Variants in C8orf34 observed in about 807,000 individuals in gnomAD.
C8orf34 encodes chromosome 8 open reading frame 34.
Under a neutral mutation model 68.3 loss-of-function variants are expected in C8orf34, and 65 were observed. That is an observed-to-expected ratio of 0.95 (90% CI 0.78 to 1.17). The LOEUF is 1.17. C8orf34 is among the 50% of genes most tolerant of loss of function. The pLI is 0.00. For missense variants in C8orf34, 664 were observed against 655.4 expected, an observed-to-expected ratio of 1.01 and a Z score of -0.14; for synonymous variants, 244 against 241.2, an observed-to-expected ratio of 1.01 and a Z score of -0.11.
At chr8:68,748,181 A>G (rs879587331) in intron 10 of C8orf34, among the ~76,000 whole-genome samples, 171 of 129,308 alleles carry the variant, frequency 1.3e-3, no homozygotes, top group Non-Finnish European at 2.3e-3. Flanking sequence ...CTGGCTAGCC[A>G]TATGTAGAAA....
Position 68,789,905 on chromosome 8 carries a change from A to T in C8orf34, c.1549+2369A>T, listed in dbSNP as rs1023801265. Among the ~76,000 whole-genome samples, 19 of 152,220 alleles carry T rather than the reference A, an allele frequency of 1.2e-4. 1 individual carries two copies. Among genetic ancestry groups the T allele is most frequent in the Admixed American group, 1.1e-3 (17 of 15,270 alleles). On this transcript the variant is annotated intron_variant, in intron 12 of 13. Coordinates refer to ENST00000518698, the MANE Select transcript of C8orf34 (RefSeq NM_052958.4). ...TCCATCAATCACTCTAAGAAAGTCC[A>T]TTCCTGAACTCTTGTAACCATAGAA...
At chr8:68,550,872 C>T (rs1007789041) in intron 7 of C8orf34, among the ~76,000 whole-genome samples, 1 of 151,470 alleles carries the variant, frequency 6.6e-6, no homozygotes, top group Non-Finnish European at 1.5e-5. Context: ...TATGTTTCCT[C>T]CCTAATGGTA....
intron 5 of C8orf34, among the ~76,000 whole-genome samples, chr8:68,502,130 A>G (rs916049609): frequency 3.3e-5 from 5 of 152,056 alleles, no homozygotes; most frequent in African/African-American, 1.2e-4. Context: ...CAGTGGCGTG[A>G]TCTCAGCTCA....
At chr8:68,665,703 T>A (rs1819816766) in intron 8 of C8orf34, among the ~76,000 whole-genome samples, 2 of 152,310 alleles carry the variant, frequency 1.3e-5, no homozygotes, top group South Asian at 2.1e-4. Context: ...CACACAGACC[T>A]ATTTATTCAG....
rs1223210765 is a variant in C8orf34, at chr8:68,618,507, G to A, written c.1106-21869G>A. Among the ~76,000 whole-genome samples the A allele has an allele frequency of 5.9e-5, 9 of 151,996 alleles. 1 individual carries two copies. Among genetic ancestry groups the A allele is most frequent in the Non-Finnish European group, 1.0e-4 (7 of 67,976 alleles). ...TGGAACCACAGATGCACAACACAAC[G>A]CTCTACTAATTTTTAAATTTTCTGT... On this transcript the variant is annotated intron_variant, in intron 7 of 13. Transcript: ENST00000518698.
chr8:68,588,589 A>G (rs539289315), intron 7 of C8orf34, among the ~76,000 whole-genome samples: 1 of 152,318 alleles, frequency 6.6e-6, no homozygotes, highest in South Asian at 2.1e-4. Flanking sequence ...CTAGCAACCC[A>G]GTCGAATGAG....
intron 10 of C8orf34, among the ~76,000 whole-genome samples, chr8:68,741,621 A>G (rs1411230586): frequency 6.6e-6 from 1 of 152,034 alleles, no homozygotes; most frequent in Non-Finnish European, 1.5e-5. Flanking sequence ...CCCACCCCAT[A>G]CTAACTTTCC....
At chr8:68,388,099 GCTT>G (rs1563397514) in intron 1 of C8orf34, among the ~76,000 whole-genome samples, 1 of 152,108 alleles carries the variant, frequency 6.6e-6, no homozygotes, top group Non-Finnish European at 1.5e-5. Context: ...CATGAAGATT[GCTT>G]CTGGTTTTTG....
At chr8:68,524,859 A>T (rs758085691) in intron 6 of C8orf34, among the ~76,000 whole-genome samples, 4 of 152,186 alleles carry the variant, frequency 2.6e-5, no homozygotes, top group Non-Finnish European at 5.9e-5. Context: ...TTAAATTGTA[A>T]TGTGAATTTG....
intron 1 of C8orf34, among the ~76,000 whole-genome samples, chr8:68,372,940 G>A (rs1807626351): frequency 6.6e-6 from 1 of 152,186 alleles, no homozygotes; most frequent in Admixed American, 6.5e-5. Flanking sequence ...GCAAAGCACA[G>A]CATAGAAGAA....
chr8:68,597,643 T>C (rs1199255180), intron 7 of C8orf34, among the ~76,000 whole-genome samples: 1 of 152,026 alleles, frequency 6.6e-6, no homozygotes, highest in Non-Finnish European at 1.5e-5. Context: ...TCCCTCATTA[T>C]TTTGGCGACC....
intron 12 of C8orf34, among the ~76,000 whole-genome samples, chr8:68,804,157 T>A (rs1824414794): frequency 6.6e-6 from 1 of 152,178 alleles, no homozygotes; most frequent in South Asian, 2.1e-4. Flanking sequence ...TTTGCTGTCA[T>A]TTTCTCATTT....
At position 68,744,028 on chromosome 8, in the gene C8orf34, T is replaced by A. The variant is rs544983947; in HGVS notation, c.1404+22591T>A. On this transcript the variant is annotated intron_variant, in intron 10 of 13. Transcript: ENST00000518698. ...AGCAGTGGTTCTCCCAGCATGCAGCTGGAGATCTGAGAACGGGCAGACTGC... is the reference window on the plus strand; with the variant it reads ...AGCAGTGGTTCTCCCAGCATGCAGCAGGAGATCTGAGAACGGGCAGACTGC... Among the ~76,000 whole-genome samples the A allele has an allele frequency of 1.9e-4, 29 of 152,222 alleles. 1 individual carries two copies. Among genetic ancestry groups the A allele is most frequent in the Middle Eastern group, 3.4e-3 (1 of 294 alleles).
At chr8:68,385,009 A>G (rs1002089742) in intron 1 of C8orf34, among the ~76,000 whole-genome samples, 4 of 152,224 alleles carry the variant, frequency 2.6e-5, no homozygotes, top group African/African-American at 9.6e-5. Context: ...AAAATATGCA[A>G]TATGCTTTTA....
intron 7 of C8orf34, among the ~76,000 whole-genome samples, chr8:68,571,871 A>T (rs1418701721): frequency 6.6e-6 from 1 of 152,132 alleles, no homozygotes; most frequent in Non-Finnish European, 1.5e-5. Flanking sequence ...AAAATAATAT[A>T]TATAGTTATG....
chr8:68,687,428 G>T (rs770901456), intron 8 of C8orf34, among the ~76,000 whole-genome samples: 29 of 152,044 alleles, frequency 1.9e-4, no homozygotes, highest in Non-Finnish European at 3.2e-4. Context: ...TAGACCAATG[G>T]AACAGAATAG....
At chr8:68,376,372 C>T (rs1044954566) in intron 1 of C8orf34, among the ~76,000 whole-genome samples, 1 of 151,972 alleles carries the variant, frequency 6.6e-6, no homozygotes, top group African/African-American at 2.4e-5. Context: ...AAGCTGAGCA[C>T]AGGATTTGGG....
intron 10 of C8orf34, among the ~76,000 whole-genome samples, chr8:68,746,872 T>A (rs891817096): frequency 6.6e-6 from 1 of 152,058 alleles, no homozygotes; most frequent in African/African-American, 2.4e-5. Flanking sequence ...GAATCCTCCC[T>A]AACTCATTTT....
At chr8:68,454,883 C>T (rs1429200408) in intron 3 of C8orf34, among the ~76,000 whole-genome samples, 2 of 151,980 alleles carry the variant, frequency 1.3e-5, no homozygotes, top group Non-Finnish European at 2.9e-5. Flanking sequence ...GGGACATTTA[C>T]TGCTATAAAT....
Sources: gnomAD v4.1 joint callset for allele counts (sites outside exome capture counted in the v4.1 genomes callset) on GRCh38, gnomAD v4.1.1 for gene constraint, MANE v1.5 for transcripts, NCBI Gene and HGNC (gene_info 2026-07-23, HGNC 2026-07-21) for gene names.